The following TEX15 variants were observed in gnomAD, a reference collection of about 807,000 sequenced individuals.
The protein encoded by TEX15 is testis-expressed protein 15.
In TEX15, 171 loss-of-function variants were observed where a neutral mutation model predicts 237.3. The ratio of observed to expected loss-of-function variants is 0.72; its 90% CI spans 0.64 to 0.82. The LOEUF (loss-of-function observed/expected upper bound fraction) is 0.82. Among genes scored for constraint, TEX15 ranks in the 40% least tolerant of loss-of-function variants. TEX15 has a pLI of 0.00. For synonymous variants in TEX15, 1,338 were observed against 1,269.8 expected (o/e 1.05, Z -1.14); for missense variants, 3,750 against 3,646.5 (o/e 1.03, Z -0.73).
At position 30,836,791 on chromosome 8, in the gene TEX15, T is replaced by C. The variant is rs111243018; in HGVS notation, c.9481+12A>G. On this transcript the variant is annotated intron_variant, in intron 10 of 10. Transcript: ENST00000643185. ...CAACTCAATAAAGCAGGCATTAAAA[T>C]GTGAAACTCACCATAAACCCAAGGA... 3.8e-6 allele frequency: 6 copies of C among 1,572,770 alleles called. No homozygotes were observed. The African/African-American group carries it at 4.1e-5, about 11-fold the overall frequency.
chr8:30,853,346 C>CTA (rs2128769301), intron 7 of TEX15, among the ~76,000 whole-genome samples: 1 of 152,282 alleles, frequency 6.6e-6, no homozygotes, highest in African/African-American at 2.4e-5. Flanking sequence ...ACCTAACAGC[C>CTA]TATGGAACAC....
chr8:30,894,566 G>A (rs930096936), intron 2 of TEX15, among the ~76,000 whole-genome samples: 5 of 152,172 alleles, frequency 3.3e-5, no homozygotes, highest in Non-Finnish European at 5.9e-5. Context: ...CACATATATG[G>A]TGAAATGATG....
intron 8 of TEX15, 74 bp from the exon 9 acceptor site, chr8:30,840,038 AT>A: frequency 6.8e-6 from 6 of 883,980 alleles, no homozygotes; most frequent in Non-Finnish European, 9.8e-6. Context: ...TTATTTCAAT[AT>A]TAGATATTTT....
Position 30,846,978 on chromosome 8 carries a change from TATTTCA to T in TEX15, c.3183_3188del (p.Ile1063_Glu1064del). 1.2e-6 allele frequency: 2 copies of T among 1,613,676 alleles called. No homozygotes were observed. The highest frequency in any genetic ancestry group is 2.2e-5 in the South Asian group (2 of 91,048). Reference sequence around the variant, plus strand: ...AAGCATCATCACAATCTTCTAATTCTATTTCAATTTCACTTTCCAATTCAATGCTCT... The same window carrying T: ...AAGCATCATCACAATCTTCTAATTCTATTTCACTTTCCAATTCAATGCTCT... On this transcript the variant is annotated inframe_deletion, in exon 8 of 11. Coordinates refer to ENST00000643185, the MANE Select transcript of TEX15 (RefSeq NM_001350162.2).
rs1807351800 is a variant in TEX15 at position 30,838,050 on chromosome 8, G to C, written c.8234C>G (p.Ser2745Cys). The C allele has an allele frequency of 6.2e-7, 1 of 1,611,022 alleles. No individual in the cohort carries two copies. The highest frequency in any genetic ancestry group is 1.1e-5 in the South Asian group (1 of 90,150). The change falls in exon 10 of 11, where the codon TCT becomes TGT. Residue 2745 changes from serine (S) to cysteine (C), a missense_variant. Coordinates refer to ENST00000643185, the MANE Select transcript of TEX15 (RefSeq NM_001350162.2). ...TATTTTGTTTTCGCTTTTGGGATGAGATCCTGTAGTCCTATTAGGTGCAAC... is the reference window on the plus strand; with the variant it reads ...TATTTTGTTTTCGCTTTTGGGATGACATCCTGTAGTCCTATTAGGTGCAAC... ...ATFKHPRTTG[S>C]HPKSENKIVP...
In TEX15 at chr8:30,848,903, A is replaced by G; in HGVS notation, c.1264T>C (p.Ser422Pro). 1 of 1,614,168 alleles carries G rather than the reference A, an allele frequency of 6.2e-7. No homozygotes were observed. The highest frequency in any genetic ancestry group is 8.5e-7 in the Non-Finnish European group (1 of 1,180,022). ...ASFPLHNNTG[S>P]STVTTSKSIK... is the part of the protein sequence containing the mutation. The stretch of plus-strand genomic sequence containing the variant: ...GATTTTGAAGTAGTGACTGTGCTTG[A>G]GCCAGTATTGTTGTGAAGAGGAAAA... The change falls in exon 8 of 11, where the codon TCA becomes CCA. Residue 422 changes from serine to proline, a missense_variant. Transcript: ENST00000643185.
Position 30,846,729 on chromosome 8 carries a change from T to C in TEX15, c.3438A>G (p.Glu1146=). 1 of 1,613,720 alleles carries C rather than the reference T, an allele frequency of 6.2e-7. No homozygotes were observed. Among genetic ancestry groups the C allele is most frequent in the Non-Finnish European group, 8.5e-7 (1 of 1,179,774 alleles). Residue 1146 remains glutamate, a synonymous_variant, in exon 8 of 11, where the codon GAA becomes GAG. Coordinates refer to ENST00000643185, the MANE Select transcript of TEX15 (RefSeq NM_001350162.2). ...FYSSTQNNET[E]LTSPILLPDL... is the part of the protein sequence containing the mutation. ...CTGGAAGTAAAATTGGGCTGGTAAGTTCTGTTTCATTGTTTTGTGTAGAGG... is the reference window on the plus strand; with the variant it reads ...CTGGAAGTAAAATTGGGCTGGTAAGCTCTGTTTCATTGTTTTGTGTAGAGG...
chr8:30,902,887 A>G (rs1809032682), intron 1 of TEX15, among the ~76,000 whole-genome samples: 1 of 152,210 alleles, frequency 6.6e-6, no homozygotes, highest in African/African-American at 2.4e-5. Flanking sequence ...TATTCCAGGA[A>G]GGAAATGTCT....
At chr8:30,836,386 G>C (rs1807300432) in intron 10 of TEX15, among the ~76,000 whole-genome samples, 1 of 151,458 alleles carries the variant, frequency 6.6e-6, no homozygotes. Context: ...GCTAATTTTT[G>C]TATTTTTAGT....
chr8:30,851,002 C>A (rs1223615340), intron 7 of TEX15, among the ~76,000 whole-genome samples: 1 of 152,038 alleles, frequency 6.6e-6, no homozygotes, highest in Non-Finnish European at 1.5e-5. Flanking sequence ...CAAATGTAAG[C>A]ACTTTTTAAT....
intron 1 of TEX15, among the ~76,000 whole-genome samples, chr8:30,909,834 G>A: frequency 6.6e-6 from 1 of 152,114 alleles, no homozygotes; most frequent in East Asian, 1.9e-4. Flanking sequence ...AAGAAGATGA[G>A]GTTATTTTTC....
chr8:30,868,348 T>C (rs1034449399), intron 4 of TEX15, among the ~76,000 whole-genome samples: 1 of 151,906 alleles, frequency 6.6e-6, no homozygotes, highest in Non-Finnish European at 1.5e-5. Context: ...GCAGCAGAAA[T>C]TGCCACATCA....
At chr8:30,841,195 C>T (rs1161270276) in intron 8 of TEX15, among the ~76,000 whole-genome samples, 1 of 152,222 alleles carries the variant, frequency 6.6e-6, no homozygotes, top group East Asian at 1.9e-4. Flanking sequence ...GCCGGGATTA[C>T]AGGCGTGAGC....
chr8:30,837,820 T>C lies in TEX15; in HGVS notation c.8464A>G (p.Asn2822Asp). 6.2e-7 allele frequency: 1 copy of C among 1,614,184 alleles called. No homozygotes were observed. Among genetic ancestry groups the C allele is most frequent in the Non-Finnish European group, 8.5e-7 (1 of 1,180,022 alleles). ...QENLNSMKKRNVNFSAAETKS... is the reference protein window; with the variant it reads ...QENLNSMKKRDVNFSAAETKS... ...GTTTCAGCAGCACTGAAGTTCACAT[T>C]TCTTTTCTTCATGCTATTTAAATTT... The change falls in exon 10 of 11, where the codon AAT (asparagine) becomes GAT (aspartate). Residue 2822 changes from asparagine (N) to aspartate (D), a missense_variant. Physicochemically the swap from Asn to Asp is conservative, Grantham distance 23. Coordinates refer to ENST00000643185, the MANE Select transcript of TEX15 (RefSeq NM_001350162.2).
chr8:30,885,207 T>G (rs544383868), intron 3 of TEX15, among the ~76,000 whole-genome samples: 115 of 152,202 alleles, frequency 7.6e-4, no homozygotes, highest in African/African-American at 2.1e-3. Flanking sequence ...CTGATATGAT[T>G]TGGCTCTGTG....
At chr8:30,833,655 G>A (rs1044866250) in intron 10 of TEX15, among the ~76,000 whole-genome samples, 8 of 152,120 alleles carry the variant, frequency 5.3e-5, no homozygotes, top group Non-Finnish European at 8.8e-5. Flanking sequence ...CAAGCACCAC[G>A]AACAATATAG....
chr8:30,892,145 T>C (rs1255310442), intron 2 of TEX15, among the ~76,000 whole-genome samples: 2 of 152,256 alleles, frequency 1.3e-5, no homozygotes, highest in African/African-American at 4.8e-5. Context: ...CTTTTACCTT[T>C]AAGTCTTTAC....
chr8:30,907,287 T>C (rs1809122453), intron 1 of TEX15, among the ~76,000 whole-genome samples: 3 of 152,204 alleles, frequency 2.0e-5, no homozygotes, highest in African/African-American at 7.2e-5. Context: ...TGATCAGTAC[T>C]CCAGTTTATT....
chr8:30,845,964 T>A lies in TEX15; in HGVS notation c.4203A>T (p.Ile1401=), dbSNP rs1236021901. 1 of 1,613,154 alleles carries A rather than the reference T, an allele frequency of 6.2e-7. No individual in the cohort carries two copies. Among genetic ancestry groups the A allele is most frequent in the South Asian group, 1.1e-5 (1 of 90,880 alleles). ...CCTTTCTTTCTTCTCCTACTTTAGT[T>A]ATAAGCTGCAAAGATGTGTGAACTC... is the stretch of plus-strand genomic sequence containing the variant. The part of the protein sequence containing the change: ...HRRVHTSLQL[I]TKVGEERKGP... Residue 1401 remains isoleucine, a synonymous_variant, in exon 8 of 11, where the codon ATA becomes ATT. Coordinates refer to ENST00000643185, the MANE Select transcript of TEX15 (RefSeq NM_001350162.2).
Sources: gnomAD v4.1 joint callset for allele counts (sites outside exome capture counted in the v4.1 genomes callset) on GRCh38, gnomAD v4.1.1 for gene constraint, MANE v1.5 for transcripts, NCBI Gene and HGNC (gene_info 2026-07-23, HGNC 2026-07-21) for gene names.